The following EPN3 variants were observed in gnomAD, a reference collection of about 807,000 sequenced individuals.
The protein encoded by EPN3 is epsin 3, also known as epsin-3.
Under a neutral mutation model 55.5 loss-of-function variants are expected in EPN3, and 56 were observed. The observed-to-expected ratio is 1.01, with a 90% CI of 0.81 to 1.26. The LOEUF (loss-of-function observed/expected upper bound fraction) is 1.26. Ranked by LOEUF, EPN3 falls within the 50% of genes most tolerant of loss-of-function variation. EPN3 has a pLI of 0.00. For synonymous variants in EPN3, 449 were observed against 375.2 expected (o/e 1.20, Z -2.27); for missense variants, 927 against 853.4 (o/e 1.09, Z -1.07).
In EPN3 at chr17:50,536,463, C is replaced by A; in HGVS notation, c.-94C>A. 1 of 1,576,512 alleles carries A rather than the reference C, an allele frequency of 6.3e-7. No homozygotes were observed. The highest frequency in any genetic ancestry group is 8.5e-7 in the Non-Finnish European group (1 of 1,169,682). ...GGATGCAGCTGCTCTGCTAACACGG[C>A]AGCCCATCCTTCAAGACTGTGACCT... On this transcript the variant is annotated 5_prime_UTR_variant, in exon 2 of 10. Transcript: ENST00000268933.
intron 1 of EPN3, among the ~76,000 whole-genome samples, chr17:50,533,782 C>T (rs1408636414): frequency 6.8e-6 from 1 of 146,964 alleles, no homozygotes; most frequent in East Asian, 2.1e-4. Context: ...CTGCTCCCAT[C>T]CCCTCAGCTT....
At chr17:50,540,219 G>T in intron 5 of EPN3, 28 bp from the exon 6 acceptor site, 1 of 1,602,800 alleles carries the variant, frequency 6.2e-7, no homozygotes. Flanking sequence ...GCCCACTTCT[G>T]AGCCGCGGCT....
At chr17:50,538,257 G>A in intron 3 of EPN3, 60 bp downstream of exon 3, 6 of 1,404,162 alleles carry the variant, frequency 4.3e-6, no homozygotes, top group Non-Finnish European at 5.9e-6. Context: ...GAGAGTGCCT[G>A]GGAGCCCCTT....
rs769909503 is a variant in EPN3, at chr17:50,540,278, T to C, written c.923T>C (p.Val308Ala). The change falls in exon 6 of 10, where the codon GTA becomes GCA. Residue 308 changes from valine to alanine, a missense_variant. Val to Ala is a moderately conservative substitution (Grantham distance 64). Coordinates refer to ENST00000268933, the MANE Select transcript of EPN3 (RefSeq NM_017957.3). Reference protein sequence around the residue: ...SSILDLADIFVPALAPPSTHC... With the variant: ...SSILDLADIFAPALAPPSTHC... ...ATCCTGGACTTGGCTGACATCTTCGTACCTGCCCTGGCCCCGCCCTCCACA... is the reference window on the plus strand; with the variant it reads ...ATCCTGGACTTGGCTGACATCTTCGCACCTGCCCTGGCCCCGCCCTCCACA... The C allele has an allele frequency of 8.1e-6, 13 of 1,612,750 alleles. No homozygotes were observed. In the Admixed American group the frequency reaches 2.0e-4, roughly 25 times the overall value.
At chr17:50,539,442 G>GT in intron 5 of EPN3, 127 bp downstream of exon 5, 1 of 1,387,032 alleles carries the variant, frequency 7.2e-7, no homozygotes, top group Non-Finnish European at 9.8e-7. Context: ...TGAAATAGGG[G>GT]TGGGGGTGTA....
At position 50,536,568 on chromosome 17, in the gene EPN3, C is replaced by A; in HGVS notation, c.12C>A (p.Ser4=). 1 of 1,613,936 alleles carries A rather than the reference C, an allele frequency of 6.2e-7. No homozygotes were observed. The highest frequency in any genetic ancestry group is 1.1e-5 in the South Asian group (1 of 91,088). The part of the protein sequence containing the change: MTT[S]ALRRQVKNIV... ...CCAAGTCTCCAGCCATGACGACCTC[C>A]GCACTCCGGCGCCAGGTGAAGAACA... Residue 4 remains serine (S), a synonymous_variant, in exon 2 of 10, where the codon TCC becomes TCA. Transcript: ENST00000268933.
At position 50,534,330 on chromosome 17, in the gene EPN3, G is replaced by C. The variant is rs534631894; in HGVS notation, c.-137+1345G>C. ...GGCAGGGCCGCTGGGCCCACACCGA[G>C]AGTCCCCTCCCAGAGGCTGGTGCCC... On this transcript the variant is annotated intron_variant, in intron 1 of 9. Transcript: ENST00000268933. 38 of 838,042 alleles carry C rather than the reference G, an allele frequency of 4.5e-5. No homozygotes were observed. The Admixed American group carries it at 1.1e-3, about 23-fold the overall frequency. 51.9% of individuals were successfully genotyped at this position (838,042 alleles called of 1,614,324 possible).
intron 3 of EPN3, 73 bp from the exon 4 acceptor site, chr17:50,538,810 AG>A (rs1273616086): frequency 8.7e-7 from 1 of 1,146,848 alleles, no homozygotes; most frequent in Non-Finnish European, 1.2e-6. Flanking sequence ...CCCATGACCC[AG>A]GCAGGCCTAT....
At chr17:50,539,800 G>A (rs1268282862) in intron 5 of EPN3, among the ~76,000 whole-genome samples, 1 of 152,200 alleles carries the variant, frequency 6.6e-6, no homozygotes, top group Non-Finnish European at 1.5e-5. Flanking sequence ...TCCATGCCAC[G>A]CCCGGGTGCT....
chr17:50,538,023 G>C lies in EPN3; in HGVS notation c.563-56G>C, dbSNP rs529405614. The C allele has an allele frequency of 2.2e-6, 3 of 1,391,336 alleles. No individual in the cohort carries two copies. The African/African-American group carries it at 4.2e-5, about 20-fold the overall frequency. The allele number at this position is 1,391,336 out of a possible 1,614,324, so 86.2% of individuals were successfully genotyped here. A position where few individuals can be genotyped will look rare whatever the true frequency, so the allele number is the denominator to read the frequency against. ...AGCCTCAGCTTCCTGGCAGGCAGAG[G>C]GGTGTGGGAGCCGATGGGTAATCGT... is the stretch of plus-strand genomic sequence containing the variant. On this transcript the variant is annotated intron_variant, in intron 2 of 9. Transcript: ENST00000268933.
At position 50,542,138 on chromosome 17, in the gene EPN3, G is replaced by A; in HGVS notation, c.1880G>A (p.Gly627Asp). ...CCGCGGCCCCCGCCCCCGCAGACCG[G>A]CACCAACCCCTTCCTCTGAGCCCCG... The part of the protein sequence containing the change: ...AGPRPPPPQT[G>D]TNPFL Residue 627 changes from glycine (G) to aspartate (D), a missense_variant, in exon 10 of 10, where the codon GGC (glycine) becomes GAC (aspartate). By Grantham distance (94) the Gly-to-Asp change is moderately conservative. Transcript: ENST00000268933. 1 of 1,511,592 alleles carries A rather than the reference G, an allele frequency of 6.6e-7. No individual in the cohort carries two copies. The highest frequency in any genetic ancestry group is 8.8e-7 in the Non-Finnish European group (1 of 1,138,848). The allele number at this position is 1,511,592 out of a possible 1,614,324, so 93.6% of individuals were successfully genotyped here. A position where few individuals can be genotyped will look rare whatever the true frequency, so the allele number is the denominator to read the frequency against.
rs2034733207 is a variant in EPN3, at chr17:50,534,695, C to T, written c.-137+1710C>T. On this transcript the variant is annotated intron_variant, in intron 1 of 9. Coordinates refer to ENST00000268933, the MANE Select transcript of EPN3 (RefSeq NM_017957.3). The stretch of plus-strand genomic sequence containing the variant: ...CCAGGCACTCTCCACCTCGCCCACT[C>T]CCACGGTATCTTATTCTCTGGGCCC... The T allele has an allele frequency of 1.9e-5, 18 of 961,498 alleles. No individual in the cohort carries two copies. In the South Asian group the frequency reaches 7.7e-4, roughly 41 times the overall value. The allele number at this position is 961,498 out of a possible 1,614,324, so 59.6% of individuals were successfully genotyped here.
intron 1 of EPN3, 126 bp from the exon 2 acceptor site, chr17:50,536,295 C>G (rs760947518): frequency 4.6e-6 from 3 of 646,642 alleles, no homozygotes; most frequent in Non-Finnish European, 7.4e-6. Context: ...GAAATAAGAA[C>G]GTGTGCCGCT....
chr17:50,538,897 C>T lies in EPN3; in HGVS notation c.695C>T (p.Ala232Val). 1.2e-6 allele frequency: 2 copies of T among 1,605,264 alleles called. No homozygotes were observed. Among genetic ancestry groups the T allele is most frequent in the Non-Finnish European group, 1.7e-6 (2 of 1,174,702 alleles). Residue 232 changes from alanine to valine, a missense_variant, in exon 4 of 10, where the codon GCC (alanine) becomes GTC (valine). Transcript: ENST00000268933. Reference sequence around the variant, plus strand: ...CTTCCTCCGCAGCCTGTCCCCCCAGCCTCCCACAGGGACGAGGACCTGCAG... The same window carrying T: ...CTTCCTCCGCAGCCTGTCCCCCCAGTCTCCCACAGGGACGAGGACCTGCAG... ...REEAEKPVPP[A>V]SHRDEDLQLQ... is the part of the protein sequence containing the mutation.
chr17:50,532,912 CT>C lies in EPN3; in HGVS notation c.-209del. ...ACGCTCCCGAGGCTGTGCCGTCCCG[CT>C]GCTGCACAGGTCGGAGGGTCACCGC... On this transcript the variant is annotated 5_prime_UTR_variant, in exon 1 of 10. It removes the in-frame stop codon of an upstream open reading frame in the 5' UTR. Coordinates refer to ENST00000268933, the MANE Select transcript of EPN3 (RefSeq NM_017957.3). The C allele has an allele frequency of 7.8e-7, 1 of 1,285,848 alleles. No homozygotes were observed. Among genetic ancestry groups the C allele is most frequent in the African/African-American group, 1.5e-5 (1 of 65,710 alleles). 79.7% of individuals were successfully genotyped at this position (1,285,848 alleles called of 1,614,324 possible).
Position 50,541,030 on chromosome 17 carries a change from G to A in EPN3, c.1217G>A (p.Trp406Ter). 1.3e-6 allele frequency: 2 copies of A among 1,593,514 alleles called. No individual in the cohort carries two copies. The highest frequency in any genetic ancestry group is 1.7e-6 in the Non-Finnish European group (2 of 1,169,854). The change falls in exon 7 of 10, where the codon TGG (tryptophan) becomes TAG (stop). Residue 406 changes from tryptophan to a stop codon, truncating the protein, a stop_gained. Coordinates refer to ENST00000268933, the MANE Select transcript of EPN3 (RefSeq NM_017957.3). LOFTEE classifies it high-confidence loss of function. ...CTCCCCAGCACTGGGGCTGACCCTT[G>A]GGGAGCCTCCCTGGAGACCTCCGAC... ...HKLPSTGADPWGASLETSDTP... is the reference protein window; with the variant it reads ...HKLPSTGADP
rs2034874064 is a variant in EPN3 at position 50,543,398 on chromosome 17, G to C, written c.*1241G>C. 1 of 152,284 alleles carries C rather than the reference G, an allele frequency of 6.6e-6. No homozygotes were observed. The highest frequency in any genetic ancestry group is 2.4e-5 in the African/African-American group (1 of 41,462). 9.4% of individuals were successfully genotyped at this position (152,284 alleles called of 1,614,324 possible). On this transcript the variant is annotated 3_prime_UTR_variant, in exon 10 of 10. Transcript: ENST00000268933. Reference sequence around the variant, plus strand: ...GGGGCCCCTATGACCACCCTCGCCTGTTTTTCTTCTCAATGCTCCCTGATC... The same window carrying C: ...GGGGCCCCTATGACCACCCTCGCCTCTTTTTCTTCTCAATGCTCCCTGATC...
At chr17:50,533,757 C>T (rs1476853042) in intron 1 of EPN3, among the ~76,000 whole-genome samples, 2 of 152,130 alleles carry the variant, frequency 1.3e-5, no homozygotes, top group African/African-American at 4.8e-5. Flanking sequence ...TGGCCCATCC[C>T]ACCGCCTGCT....
Position 50,542,245 on chromosome 17 carries a change from CT to C in EPN3, c.*89del. ...CCCGGGGCTGGGCGGGGCGCCGGTG[CT>C]AGTGGAACGCCGAGCCAGTGGCGGC... On this transcript the variant is annotated 3_prime_UTR_variant, in exon 10 of 10. Coordinates refer to ENST00000268933, the MANE Select transcript of EPN3 (RefSeq NM_017957.3). The C allele has an allele frequency of 1.5e-6, 2 of 1,335,428 alleles. No individual in the cohort carries two copies. The highest frequency in any genetic ancestry group is 1.9e-6 in the Non-Finnish European group (2 of 1,036,010). 82.7% of individuals were successfully genotyped at this position (1,335,428 alleles called of 1,614,324 possible). A position where few individuals can be genotyped will look rare whatever the true frequency, so the allele number is the denominator to read the frequency against.
Sources: gnomAD v4.1 joint callset for allele counts (sites outside exome capture counted in the v4.1 genomes callset) on GRCh38, gnomAD v4.1.1 for gene constraint, MANE v1.5 for transcripts, NCBI Gene and HGNC (gene_info 2026-07-23, HGNC 2026-07-21) for gene names.